The following NAALADL2 variants were observed in gnomAD, a reference collection of about 807,000 sequenced individuals.
NAALADL2 encodes the protein N-acetylated alpha-linked acidic dipeptidase like 2.
Under a neutral mutation model 87.2 loss-of-function variants are expected in NAALADL2, and 76 were observed. The ratio of observed to expected loss-of-function variants is 0.87; its 90% CI spans 0.72 to 1.05. The LOEUF is 1.05. Among genes scored for constraint, NAALADL2 ranks in the 50% least tolerant of loss-of-function variants. NAALADL2 has a pLI of 0.00. For synonymous variants in NAALADL2, 354 were observed against 331.0 expected, an observed-to-expected ratio of 1.07 and a Z score of -0.75; for missense variants, 1,089 against 945.8, an observed-to-expected ratio of 1.15 and a Z score of -1.99.
intron 3 of NAALADL2, among the ~76,000 whole-genome samples, chr3:174,787,763 T>C (rs1302633116): frequency 3.3e-5 from 5 of 151,000 alleles, no homozygotes; most frequent in African/African-American, 1.2e-4. Flanking sequence ...AACCTAAGTG[T>C]CAATACGTTG....
intron 2 of NAALADL2, among the ~76,000 whole-genome samples, chr3:175,164,320 T>C (rs1733676746): frequency 6.6e-6 from 1 of 151,888 alleles, no homozygotes; most frequent in Non-Finnish European, 1.5e-5. Context: ...ATATATTACA[T>C]ATATAAACTT....
chr3:175,583,682 A>G (rs1028174202), intron 10 of NAALADL2, among the ~76,000 whole-genome samples: 10 of 152,230 alleles, frequency 6.6e-5, no homozygotes, highest in East Asian at 3.9e-4. Flanking sequence ...CAACAAGACA[A>G]TGTTCAGAGA....
intron 2 of NAALADL2, among the ~76,000 whole-genome samples, chr3:174,718,825 T>C (rs919408595): frequency 1.3e-5 from 2 of 152,206 alleles, no homozygotes; most frequent in African/African-American, 4.8e-5. Context: ...ACAAATGATA[T>C]TCTTTTAGGC....
At chr3:174,940,222 A>G (rs77847341) in intron 1 of NAALADL2, among the ~76,000 whole-genome samples, 6,261 of 152,098 alleles carry the variant, frequency 0.041, 434 homozygotes, top group African/African-American at 0.14. Context: ...AACATGAAGG[A>G]GTGTTGAGTT....
intron 2 of NAALADL2, among the ~76,000 whole-genome samples, chr3:175,147,211 T>C (rs1334472170): frequency 1.3e-5 from 2 of 152,102 alleles, no homozygotes; most frequent in Non-Finnish European, 2.9e-5. Context: ...GAGTACCCAA[T>C]AGGTAGTTTT....
intron 2 of NAALADL2, among the ~76,000 whole-genome samples, chr3:175,107,041 T>C (rs1206376072): frequency 2.0e-5 from 3 of 151,992 alleles, no homozygotes; most frequent in Non-Finnish European, 2.9e-5. Context: ...ACACCCTCAC[T>C]CTACTGTCCC....
chr3:174,810,697 G>C (rs376873068), intron 3 of NAALADL2, among the ~76,000 whole-genome samples: 34 of 152,026 alleles, frequency 2.2e-4, no homozygotes, highest in African/African-American at 7.7e-4. Context: ...TGGTAAAAAA[G>C]AAAAGCTCAT....
chr3:174,529,179 A>G (rs1721024315), intron 1 of NAALADL2, among the ~76,000 whole-genome samples: 1 of 152,222 alleles, frequency 6.6e-6, no homozygotes, highest in African/African-American at 2.4e-5. Context: ...ACCTATTCTT[A>G]ATGGGAGACA....
At chr3:174,483,024 G>C (rs1287498228) in intron 1 of NAALADL2, among the ~76,000 whole-genome samples, 3 of 152,010 alleles carry the variant, frequency 2.0e-5, no homozygotes, top group African/African-American at 7.2e-5. Flanking sequence ...ACATTAGATT[G>C]TGTTACTCCT....
intron 1 of NAALADL2, among the ~76,000 whole-genome samples, chr3:175,051,174 C>A (rs980215718): frequency 6.6e-6 from 1 of 152,148 alleles, no homozygotes; most frequent in Non-Finnish European, 1.5e-5. Flanking sequence ...TCCCATCCAA[C>A]CTTAAGATTT....
At chr3:175,750,921 C>T (rs1746546379) in intron 12 of NAALADL2, among the ~76,000 whole-genome samples, 1 of 152,042 alleles carries the variant, frequency 6.6e-6, no homozygotes, top group South Asian at 2.1e-4. Context: ...AAAAAGGACT[C>T]AATAAATACC....
At chr3:175,362,741 C>T (rs1765174717) in intron 5 of NAALADL2, among the ~76,000 whole-genome samples, 1 of 147,974 alleles carries the variant, frequency 6.8e-6, no homozygotes, top group East Asian at 2.0e-4. Flanking sequence ...CCTTTTGGTT[C>T]TTTAAGGAAT....
chr3:174,454,129 C>A (rs879827834), intron 1 of NAALADL2, among the ~76,000 whole-genome samples: 1 of 151,950 alleles, frequency 6.6e-6, no homozygotes. Flanking sequence ...TATAAGCCAA[C>A]AAAGATCAAA....
At chr3:175,387,071 T>A (rs1326418645) in intron 5 of NAALADL2, among the ~76,000 whole-genome samples, 1 of 151,562 alleles carries the variant, frequency 6.6e-6, no homozygotes. Flanking sequence ...AGTGGGAAAA[T>A]TTTTTTTTAC....
intron 3 of NAALADL2, among the ~76,000 whole-genome samples, chr3:174,806,811 A>G (rs558419896): frequency 2.0e-5 from 3 of 152,282 alleles, no homozygotes; most frequent in East Asian, 1.9e-4. Context: ...TGATTTGACT[A>G]TGACATATTT....
intron 1 of NAALADL2, among the ~76,000 whole-genome samples, chr3:174,517,432 A>G (rs890241346): frequency 3.3e-5 from 5 of 152,028 alleles, no homozygotes; most frequent in Admixed American, 2.0e-4. Flanking sequence ...ATATTAGAAT[A>G]CTTTTCTGGT....
intron 10 of NAALADL2, among the ~76,000 whole-genome samples, chr3:175,618,563 T>C (rs1725683057): frequency 6.6e-6 from 1 of 152,188 alleles, no homozygotes; most frequent in Non-Finnish European, 1.5e-5. Context: ...TGATTCAGCA[T>C]GCACTTGAGG....
chr3:175,129,710 C>G (rs965075149), intron 2 of NAALADL2, among the ~76,000 whole-genome samples: 1 of 152,096 alleles, frequency 6.6e-6, no homozygotes, highest in Non-Finnish European at 1.5e-5. Context: ...TTTCCTTTAT[C>G]CATTCATCCG....
At chr3:175,357,623 A>C (rs1046939647) in intron 5 of NAALADL2, among the ~76,000 whole-genome samples, 1 of 152,172 alleles carries the variant, frequency 6.6e-6, no homozygotes, top group Non-Finnish European at 1.5e-5. Context: ...TTTCTAATAC[A>C]ATATATGCAA....
Sources: gnomAD v4.1 joint callset for allele counts (sites outside exome capture counted in the v4.1 genomes callset) on GRCh38, gnomAD v4.1.1 for gene constraint, MANE v1.5 for transcripts, NCBI Gene and HGNC (gene_info 2026-07-23, HGNC 2026-07-21) for gene names.